CYP4X1: variants seen among roughly 807,000 people sequenced by gnomAD.
CYP4X1 encodes the protein cytochrome P450 family 4 subfamily X member 1.
Under a neutral mutation model 57.9 loss-of-function variants are expected in CYP4X1, and 44 were observed. That is an observed-to-expected ratio of 0.76 (90% CI 0.60 to 0.98). The LOEUF (loss-of-function observed/expected upper bound fraction) is 0.98. CYP4X1 is among the 50% of genes least tolerant of loss of function. The probability of loss-of-function intolerance (pLI) is 0.00; values close to 1 mark genes in which losing one functional copy is unlikely to be tolerated. For synonymous variants in CYP4X1, 227 were observed against 228.6 expected, an observed-to-expected ratio of 0.99 and a Z score of 0.06; for missense variants, 532 against 623.9, an observed-to-expected ratio of 0.85 and a Z score of 1.57.
At chr1:47,035,047 C>G (rs905737026) in intron 4 of CYP4X1, among the ~76,000 whole-genome samples, 28 of 151,056 alleles carry the variant, frequency 1.9e-4, no homozygotes, top group African/African-American at 6.8e-4. Flanking sequence ...GTTGCCAAGT[C>G]TCTGAAATTT....
the CYP4X1 span, among the ~76,000 whole-genome samples, chr1:47,006,097 T>G: frequency 6.6e-6 from 1 of 152,220 alleles, no homozygotes; most frequent in Non-Finnish European, 1.5e-5. Flanking sequence ...CTGTTAAAAG[T>G]GAAAGAATCG....
At chr1:47,006,368 G>A in the CYP4X1 span, among the ~76,000 whole-genome samples, 1 of 152,146 alleles carries the variant, frequency 6.6e-6, no homozygotes, top group African/African-American at 2.4e-5. Context: ...ACATAATTCT[G>A]TATACAAAAT....
chr1:46,979,327 G>A, the CYP4X1 span, among the ~76,000 whole-genome samples: 49 of 152,124 alleles, frequency 3.2e-4, no homozygotes, highest in East Asian at 7.0e-3. Context: ...ACAAACTACC[G>A]TCAGAGAATA....
chr1:46,998,670 T>C, the CYP4X1 span, among the ~76,000 whole-genome samples: 1 of 152,202 alleles, frequency 6.6e-6, no homozygotes, highest in Non-Finnish European at 1.5e-5. Flanking sequence ...CAGAAGAGTA[T>C]TTCCTAAGTT....
the CYP4X1 span, among the ~76,000 whole-genome samples, chr1:47,008,180 C>T: frequency 2.4e-4 from 36 of 152,170 alleles, no homozygotes; most frequent in Non-Finnish European, 4.4e-4. Flanking sequence ...AGAGAAAGGT[C>T]GGGTTACCCA....
the CYP4X1 span, among the ~76,000 whole-genome samples, chr1:46,979,352 A>G: frequency 6.6e-6 from 1 of 152,252 alleles, no homozygotes; most frequent in African/African-American, 2.4e-5. Flanking sequence ...ACACATCTCT[A>G]TGCAAATAAA....
the CYP4X1 span, chr1:47,002,936 A>G: frequency 1.3e-5 from 2 of 152,228 alleles, no homozygotes; most frequent in Non-Finnish European, 2.9e-5. Context: ...ACAGATCCAG[A>G]GGCATGTACA....
the CYP4X1 span, among the ~76,000 whole-genome samples, chr1:46,991,170 C>T: frequency 2.0e-5 from 3 of 152,082 alleles, no homozygotes; most frequent in South Asian, 2.1e-4. Context: ...GCTTTTAATG[C>T]GTTCTCTCAA....
chr1:47,009,241 T>G, the CYP4X1 span, among the ~76,000 whole-genome samples: 23 of 152,052 alleles, frequency 1.5e-4, no homozygotes, highest in Admixed American at 1.4e-3. Flanking sequence ...AAACTAGAAC[T>G]CAGGATTAAG....
chr1:47,038,658 A>G lies in CYP4X1; in HGVS notation c.776-2A>G. On this transcript the variant is annotated splice_acceptor_variant, in intron 6 of 11. Transcript: ENST00000371901. LOFTEE classifies it high-confidence loss of function. ...GTAATTGGAAACTATTTTTCTACCCAGATACAATAATCCAGGAAAGAAAGA... is the reference window on the plus strand; with the variant it reads ...GTAATTGGAAACTATTTTTCTACCCGGATACAATAATCCAGGAAAGAAAGA... The G allele has an allele frequency of 6.3e-7, 1 of 1,599,714 alleles. No individual in the cohort carries two copies. Among genetic ancestry groups the G allele is most frequent in the Middle Eastern group, 1.7e-4 (1 of 6,004 alleles).
chr1:46,979,264 A>C, the CYP4X1 span, among the ~76,000 whole-genome samples: 1 of 152,222 alleles, frequency 6.6e-6, no homozygotes, highest in Non-Finnish European at 1.5e-5. Flanking sequence ...GAAGAATCAA[A>C]TAGACGCAAT....
chr1:47,012,058 G>A, the CYP4X1 span, among the ~76,000 whole-genome samples: 1 of 152,038 alleles, frequency 6.6e-6, no homozygotes, highest in African/African-American at 2.4e-5. Context: ...CCCATTACTG[G>A]GTATATACCC....
the CYP4X1 span, chr1:46,967,906 A>C: frequency 1.6e-6 from 1 of 615,224 alleles, no homozygotes; most frequent in East Asian, 3.3e-5. Context: ...AAGAGGCCTC[A>C]GTCCCCATTA....
At chr1:47,016,230 T>TA in the CYP4X1 span, among the ~76,000 whole-genome samples, 25 of 145,084 alleles carry the variant, frequency 1.7e-4, no homozygotes, top group East Asian at 1.4e-3. Context: ...TTCAAGAAAT[T>TA]AAAAAAAAAA....
In CYP4X1 at chr1:47,049,460, T is replaced by C; in HGVS notation, c.1311T>C (p.Asp437=). The change falls in exon 11 of 12, where the codon GAT becomes GAC. Residue 437 remains aspartate, a synonymous_variant. Coordinates refer to ENST00000371901, the MANE Select transcript of CYP4X1 (RefSeq NM_178033.2). ...TGAGGTTCTCTCAGGAGAATTCTGATCAGAGACACCCCTATGCCTACTTAC... is the reference window on the plus strand; with the variant it reads ...TGAGGTTCTCTCAGGAGAATTCTGACCAGAGACACCCCTATGCCTACTTAC... ...DPLRFSQENS[D]QRHPYAYLPF... The C allele has an allele frequency of 6.2e-7, 1 of 1,614,156 alleles. No individual in the cohort carries two copies. Among genetic ancestry groups the C allele is most frequent in the African/African-American group, 1.3e-5 (1 of 75,052 alleles).
At chr1:47,052,825 C>T (rs1191729522), downstream of CYP4X1, among the ~76,000 whole-genome samples, 1 of 151,812 alleles carries the variant, frequency 6.6e-6, no homozygotes, top group African/African-American at 2.4e-5. Flanking sequence ...AAAAAAATGC[C>T]TGTTGGCCAT....
the CYP4X1 span, among the ~76,000 whole-genome samples, chr1:46,999,963 G>A: frequency 3.3e-5 from 5 of 152,048 alleles, no homozygotes; most frequent in Admixed American, 3.3e-4. Flanking sequence ...AGGCATGATT[G>A]GTTTTGAAAT....
Position 47,046,592 on chromosome 1 carries a change from T to C in CYP4X1, c.1199T>C (p.Leu400Ser), listed in dbSNP as rs1644305370. ...KPLTFPDGCT[L>S]PAGITVVLSI... ...CTTACCTTCCCAGATGGATGCACAT[T>C]GCCTGCAGGTCTTTACATTCTTTTC... The change falls in exon 9 of 12, where the codon TTG (leucine) becomes TCG (serine). Residue 400 changes from leucine to serine, a missense_variant. Coordinates refer to ENST00000371901, the MANE Select transcript of CYP4X1 (RefSeq NM_178033.2). The C allele has an allele frequency of 6.2e-7, 1 of 1,614,014 alleles. No homozygotes were observed. The highest frequency in any genetic ancestry group is 8.5e-7 in the Non-Finnish European group (1 of 1,180,034).
intron 1 of CYP4X1, 75 bp downstream of exon 1, chr1:47,024,069 A>T: frequency 6.6e-7 from 1 of 1,503,968 alleles, no homozygotes; most frequent in Non-Finnish European, 8.9e-7. Context: ...CAGCCGGCAG[A>T]GAGACGCAGC....
Sources: gnomAD v4.1 joint callset for allele counts (sites outside exome capture counted in the v4.1 genomes callset) on GRCh38, gnomAD v4.1.1 for gene constraint, MANE v1.5 for transcripts, NCBI Gene and HGNC (gene_info 2026-07-23, HGNC 2026-07-21) for gene names.